NR3C2: variants seen among roughly 807,000 people sequenced by gnomAD.
The protein encoded by NR3C2 is mineralocorticoid receptor.
A neutral mutation model predicts 86.4 loss-of-function variants in NR3C2; 15 were observed. The ratio of observed to expected loss-of-function variants is 0.17; its 90% CI spans 0.12 to 0.27. The LOEUF is 0.27. Among genes scored for constraint, NR3C2 ranks in the 10% least tolerant of loss-of-function variants. The pLI, the probability that NR3C2 is intolerant of heterozygous loss-of-function variation, is 1.00. For missense variants in NR3C2, 960 were observed against 1,195.6 expected (o/e 0.80, Z 2.91); for synonymous variants, 458 against 450.5 (o/e 1.02, Z -0.21).
upstream of NR3C2, chr4:148,442,785 CACGCTG>C: frequency 1.0e-6 from 1 of 985,446 alleles, no homozygotes; most frequent in African/African-American, 1.7e-5. Context: ...GCGGCCTCCG[CACGCTG>C]CCCCCACCCC....
In NR3C2 at chr4:148,442,283, T is replaced by G. The variant is rs1750384450; in HGVS notation, c.-126A>C. ...CCAGGCCAGCGAGTGCCGCTCTCCCTGCAGCGGGAGAGCCCGAGGCAGCAA... is the reference window on the plus strand; with the variant it reads ...CCAGGCCAGCGAGTGCCGCTCTCCCGGCAGCGGGAGAGCCCGAGGCAGCAA... On this transcript the variant is annotated 5_prime_UTR_variant, in exon 1 of 9. Transcript: ENST00000358102. 6.6e-6 allele frequency: 1 copy of G among 152,630 alleles called. No individual in the cohort carries two copies. 9.5% of individuals were successfully genotyped at this position (152,630 alleles called of 1,614,324 possible).
chr4:148,228,172 A>G (rs1030054714), intron 3 of NR3C2, among the ~76,000 whole-genome samples: 1 of 152,226 alleles, frequency 6.6e-6, no homozygotes, highest in African/African-American at 2.4e-5. Flanking sequence ...ATTTGCAATC[A>G]ATCCCATTAG....
intron 2 of NR3C2, among the ~76,000 whole-genome samples, chr4:148,288,609 T>C (rs1000857196): frequency 6.6e-6 from 1 of 152,258 alleles, no homozygotes; most frequent in African/African-American, 2.4e-5. Context: ...ATTTGAATCC[T>C]GCCCAGCTGC....
At chr4:148,409,463 AC>A (rs1163880582) in intron 2 of NR3C2, among the ~76,000 whole-genome samples, 1 of 152,088 alleles carries the variant, frequency 6.6e-6, no homozygotes, top group African/African-American at 2.4e-5. Context: ...CATCCACTAG[AC>A]TTAGGCCTTA....
At chr4:148,215,960 G>A (rs1469746266) in intron 3 of NR3C2, among the ~76,000 whole-genome samples, 2 of 151,714 alleles carry the variant, frequency 1.3e-5, no homozygotes, top group African/African-American at 2.4e-5. Context: ...TTTTGTGTGT[G>A]TGTGTTTTTA....
chr4:148,216,474 C>T (rs2883930), intron 3 of NR3C2, among the ~76,000 whole-genome samples: 1 of 151,740 alleles, frequency 6.6e-6, no homozygotes, highest in South Asian at 2.1e-4. Context: ...AAGTGTTTGC[C>T]GAGAGTAAAT....
At chr4:148,213,036 A>G (rs567735467) in intron 3 of NR3C2, among the ~76,000 whole-genome samples, 13 of 152,320 alleles carry the variant, frequency 8.5e-5, no homozygotes, top group Middle Eastern at 3.4e-3. Context: ...GACAGAAGAT[A>G]GTGATCACAA....
At chr4:148,262,177 T>C (rs948884283) in intron 2 of NR3C2, among the ~76,000 whole-genome samples, 1 of 152,170 alleles carries the variant, frequency 6.6e-6, no homozygotes, top group Admixed American at 6.5e-5. Context: ...ATCATGAAAA[T>C]GTAATTGCTT....
At chr4:148,205,913 G>C (rs993878955) in intron 3 of NR3C2, among the ~76,000 whole-genome samples, 1 of 152,150 alleles carries the variant, frequency 6.6e-6, no homozygotes, top group African/African-American at 2.4e-5. Context: ...CATATATTTT[G>C]GGATGGGTGA....
chr4:148,320,823 A>C (rs1743537595), intron 2 of NR3C2, among the ~76,000 whole-genome samples: 1 of 150,662 alleles, frequency 6.6e-6, no homozygotes, highest in African/African-American at 2.5e-5. Context: ...CCTTTCAAAA[A>C]ACCAGCTCCT....
At chr4:148,084,170 C>T (rs540257857) in intron 8 of NR3C2, among the ~76,000 whole-genome samples, 1 of 152,246 alleles carries the variant, frequency 6.6e-6, no homozygotes, top group African/African-American at 2.4e-5. Flanking sequence ...ACAGAGAACA[C>T]CACAAAGATA....
chr4:148,184,162 A>C (rs190522362), intron 4 of NR3C2, among the ~76,000 whole-genome samples: 1 of 152,236 alleles, frequency 6.6e-6, no homozygotes, highest in African/African-American at 2.4e-5. Flanking sequence ...TAAGAATGAT[A>C]AGGATAGGCT....
chr4:148,250,996 G>T (rs1739548872), intron 3 of NR3C2, among the ~76,000 whole-genome samples: 1 of 151,868 alleles, frequency 6.6e-6, no homozygotes. Context: ...TGTTGCCCAG[G>T]CCGAAGTGCA....
chr4:148,441,251 T>C (rs1240648865), intron 1 of NR3C2, among the ~76,000 whole-genome samples: 1 of 152,162 alleles, frequency 6.6e-6, no homozygotes, highest in African/African-American at 2.4e-5. Context: ...TTTTAAAACT[T>C]CTCCTCTCAA....
intron 4 of NR3C2, among the ~76,000 whole-genome samples, chr4:148,161,355 C>CT (rs1180190077): frequency 0.038 from 5,520 of 146,528 alleles, 336 homozygotes; most frequent in African/African-American, 0.13. Flanking sequence ...ATATATTACA[C>CT]TTTTTTTTTT....
chr4:148,150,496 A>G (rs931787158), intron 6 of NR3C2, among the ~76,000 whole-genome samples: 2 of 152,218 alleles, frequency 1.3e-5, no homozygotes, highest in Non-Finnish European at 2.9e-5. Context: ...CTTCAGCACT[A>G]CGTCTAGGGG....
At chr4:148,390,011 T>C (rs997579149) in intron 2 of NR3C2, among the ~76,000 whole-genome samples, 1 of 151,766 alleles carries the variant, frequency 6.6e-6, no homozygotes, top group Non-Finnish European at 1.5e-5. Flanking sequence ...TGCAGACTGA[T>C]AGGAATATGA....
chr4:148,430,301 T>C (rs1749739877), intron 2 of NR3C2, among the ~76,000 whole-genome samples: 1 of 152,154 alleles, frequency 6.6e-6, no homozygotes, highest in African/African-American at 2.4e-5. Context: ...AATAAACCAA[T>C]ATTTTAGATG....
At chr4:148,422,585 T>C (rs1235684807) in intron 2 of NR3C2, among the ~76,000 whole-genome samples, 3 of 152,134 alleles carry the variant, frequency 2.0e-5, no homozygotes, top group Non-Finnish European at 4.4e-5. Context: ...TTTCTACTTC[T>C]GGAAAGAGTA....
Sources: allele counts gnomAD v4.1 joint callset (sites outside exome capture counted in the v4.1 genomes callset), GRCh38; gene constraint gnomAD v4.1.1; transcripts MANE v1.5; gene names NCBI Gene and HGNC (gene_info 2026-07-23, HGNC 2026-07-21).